Variants in RALGAPA2 observed in about 807,000 individuals in gnomAD.
RALGAPA2 encodes ral GTPase-activating protein subunit alpha-2.
A neutral mutation model predicts 230.4 loss-of-function variants in RALGAPA2; 139 were observed. That is an observed-to-expected ratio of 0.60 (90% CI 0.53 to 0.69). RALGAPA2 has a LOEUF of 0.69. RALGAPA2 is among the 30% of genes least tolerant of loss of function. The pLI, the probability that RALGAPA2 is intolerant of heterozygous loss-of-function variation, is 0.00. For synonymous variants in RALGAPA2, 847 were observed against 837.8 expected, an observed-to-expected ratio of 1.01 and a Z score of -0.19; for missense variants, 2,163 against 2,276.0, an observed-to-expected ratio of 0.95 and a Z score of 1.01.
intron 5 of RALGAPA2, among the ~76,000 whole-genome samples, chr20:20,641,307 G>A (rs1345603712): frequency 2.0e-5 from 3 of 152,114 alleles, no homozygotes; most frequent in African/African-American, 7.2e-5. Context: ...ATTCTGTAAG[G>A]CAACAGTACC....
chr20:20,631,063 T>C (rs1035132448), intron 9 of RALGAPA2, among the ~76,000 whole-genome samples: 18 of 151,900 alleles, frequency 1.2e-4, no homozygotes, highest in African/African-American at 4.1e-4. Flanking sequence ...TAGAATAGAG[T>C]GGAAGAGACC....
intron 16 of RALGAPA2, among the ~76,000 whole-genome samples, chr20:20,597,965 G>T (rs753886375): frequency 6.6e-6 from 1 of 152,076 alleles, no homozygotes; most frequent in Non-Finnish European, 1.5e-5. Context: ...TAGAATCACT[G>T]AAAAATAAAT....
At chr20:20,471,466 G>A (rs1010617143) in intron 37 of RALGAPA2, 1 of 133,592 alleles carries the variant, frequency 7.5e-6, no homozygotes, top group Admixed American at 8.4e-5. Flanking sequence ...CTTGACTGAT[G>A]CGTGCCCAGC....
chr20:20,676,191 T>A (rs1263535296), intron 3 of RALGAPA2, 45 bp downstream of exon 3: 2 of 1,289,088 alleles, frequency 1.6e-6, no homozygotes, highest in Non-Finnish European at 2.1e-6. Flanking sequence ...AATACTTTAT[T>A]TCCAACAAGA....
intron 37 of RALGAPA2, among the ~76,000 whole-genome samples, chr20:20,425,814 G>A (rs932371283): frequency 6.6e-6 from 1 of 152,200 alleles, no homozygotes; most frequent in South Asian, 2.1e-4. Flanking sequence ...AAATTTGGGG[G>A]AATTCTAATA....
intron 3 of RALGAPA2, among the ~76,000 whole-genome samples, chr20:20,665,877 T>C (rs2067942069): frequency 6.6e-6 from 1 of 152,200 alleles, no homozygotes; most frequent in South Asian, 2.1e-4. Flanking sequence ...ACAGAGCTAA[T>C]TCACCACCAC....
intron 12 of RALGAPA2, among the ~76,000 whole-genome samples, chr20:20,617,157 A>C (rs2066171424): frequency 6.6e-6 from 1 of 152,322 alleles, no homozygotes; most frequent in East Asian, 1.9e-4. Context: ...GTGTTCAATA[A>C]CACAAACTCA....
intron 23 of RALGAPA2, among the ~76,000 whole-genome samples, chr20:20,547,208 T>C (rs1235081354): frequency 6.6e-6 from 1 of 152,256 alleles, no homozygotes. Context: ...TAGCTTTCAA[T>C]TGGCCACAGT....
At chr20:20,688,643 T>C (rs2068789027) in intron 1 of RALGAPA2, among the ~76,000 whole-genome samples, 1 of 152,196 alleles carries the variant, frequency 6.6e-6, no homozygotes, top group South Asian at 2.1e-4. Context: ...CCTACTTCTA[T>C]ACCTCAGTCT....
At chr20:20,426,251 CT>C (rs2060379891) in intron 37 of RALGAPA2, among the ~76,000 whole-genome samples, 1 of 152,190 alleles carries the variant, frequency 6.6e-6, no homozygotes, top group African/African-American at 2.4e-5. Flanking sequence ...ATATAAGTGA[CT>C]TACATAGTGT....
chr20:20,653,180 A>G (rs532804542), intron 4 of RALGAPA2, among the ~76,000 whole-genome samples: 120 of 135,622 alleles, frequency 8.8e-4, no homozygotes, highest in Non-Finnish European at 1.5e-3. Flanking sequence ...TAGGCGACAG[A>G]GCAAGACTCC....
chr20:20,615,148 G>A (rs1458550779), intron 13 of RALGAPA2, among the ~76,000 whole-genome samples: 2 of 151,880 alleles, frequency 1.3e-5, no homozygotes, highest in Admixed American at 1.3e-4. Flanking sequence ...TCATCAGATG[G>A]AGTAACGTGA....
chr20:20,515,729 G>A (rs2062850294), intron 31 of RALGAPA2, among the ~76,000 whole-genome samples: 1 of 152,210 alleles, frequency 6.6e-6, no homozygotes, highest in South Asian at 2.1e-4. Context: ...AGGGGACCTT[G>A]GGGAAGCCAG....
At chr20:20,427,358 C>T (rs866496288) in intron 37 of RALGAPA2, among the ~76,000 whole-genome samples, 11 of 152,204 alleles carry the variant, frequency 7.2e-5, no homozygotes, top group Middle Eastern at 3.4e-3. Flanking sequence ...AGAGCAGAGG[C>T]GGGAGTGACA....
chr20:20,530,673 C>T (rs960322236), intron 27 of RALGAPA2, among the ~76,000 whole-genome samples: 4 of 152,130 alleles, frequency 2.6e-5, no homozygotes, highest in African/African-American at 9.7e-5. Flanking sequence ...CTGCATGTGG[C>T]AGGGGGCACA....
chr20:20,666,659 T>C (rs1012009754), intron 3 of RALGAPA2, among the ~76,000 whole-genome samples: 1 of 152,206 alleles, frequency 6.6e-6, no homozygotes, highest in Admixed American at 6.5e-5. Flanking sequence ...TGGCAACTAG[T>C]TAATTGTAAA....
At chr20:20,409,177 C>T (rs1246686801) in intron 38 of RALGAPA2, among the ~76,000 whole-genome samples, 3 of 152,206 alleles carry the variant, frequency 2.0e-5, no homozygotes, top group Non-Finnish European at 4.4e-5. Context: ...AAGCAGAGGG[C>T]ATTTTCCAAC....
intron 18 of RALGAPA2, among the ~76,000 whole-genome samples, chr20:20,588,981 G>A (rs1232410957): frequency 2.0e-5 from 3 of 152,112 alleles, no homozygotes; most frequent in African/African-American, 4.8e-5. Context: ...AATCTGAAAC[G>A]TAGGTTTAAC....
chr20:20,644,287 A>G (rs2067138071), intron 4 of RALGAPA2, among the ~76,000 whole-genome samples: 1 of 152,042 alleles, frequency 6.6e-6, no homozygotes. Context: ...CTTTCCTCTC[A>G]GTCAAATTTC....
Sources: gnomAD v4.1 joint callset for allele counts (sites outside exome capture counted in the v4.1 genomes callset) on GRCh38, gnomAD v4.1.1 for gene constraint, MANE v1.5 for transcripts, NCBI Gene and HGNC (gene_info 2026-07-23, HGNC 2026-07-21) for gene names.